The following NARS2 variants were observed in gnomAD, a reference collection of about 807,000 sequenced individuals.
The protein encoded by NARS2 is asparaginyl-tRNA synthetase 2, mitochondrial.
A neutral mutation model predicts 62.9 loss-of-function variants in NARS2; 60 were observed. The observed-to-expected ratio is 0.95, with a 90% CI of 0.77 to 1.18. The LOEUF (loss-of-function observed/expected upper bound fraction) is 1.18, where lower values mean the gene tolerates loss of function less well. NARS2 is among the 50% of genes most tolerant of loss of function. The pLI is 0.00. For missense variants in NARS2, 619 were observed against 576.4 expected (o/e 1.07, Z -0.76); for synonymous variants, 196 against 200.0 (o/e 0.98, Z 0.17).
chr11:78,561,446 G>A (rs1013794039), intron 4 of NARS2, among the ~76,000 whole-genome samples: 4 of 152,172 alleles, frequency 2.6e-5, no homozygotes, highest in Non-Finnish European at 5.9e-5. Flanking sequence ...ATGAAGGCCA[G>A]AAAAGAGGCC....
chr11:78,446,385 C>CTCTA (rs1157581924), intron 11 of NARS2, among the ~76,000 whole-genome samples: 7 of 152,192 alleles, frequency 4.6e-5, no homozygotes, highest in Admixed American at 1.3e-4. Flanking sequence ...TATGGCTGGG[C>CTCTA]TCTAATCAGG....
intron 6 of NARS2, among the ~76,000 whole-genome samples, chr11:78,528,360 A>AC (rs1565260486): frequency 2.6e-5 from 4 of 152,150 alleles, no homozygotes; most frequent in African/African-American, 9.7e-5. Flanking sequence ...GACTTTCCAG[A>AC]GGTCTGACAG....
intron 5 of NARS2, among the ~76,000 whole-genome samples, chr11:78,533,830 A>C (rs772616386): frequency 3.3e-5 from 5 of 152,222 alleles, no homozygotes; most frequent in Non-Finnish European, 7.3e-5. Context: ...TAACCCCTGG[A>C]AACCATGATC....
chr11:78,528,965 A>T, intron 5 of NARS2, 29 bp from the exon 6 acceptor site: 2 of 1,417,684 alleles, frequency 1.4e-6, no homozygotes, highest in Non-Finnish European at 2.0e-6. Context: ...AGCCACAAAA[A>T]ACTATTAAAT....
In NARS2 at chr11:78,570,673, G is replaced by A. The variant is rs140344211; in HGVS notation, c.251+662C>T. Among the ~76,000 whole-genome samples, 974 of 152,278 alleles carry A rather than the reference G, an allele frequency of 6.4e-3. 5 individuals are homozygous for A. Among genetic ancestry groups the A allele is most frequent in the African/African-American group, 0.022 (926 of 41,562 alleles). On this transcript the variant is annotated intron_variant, in intron 2 of 13. Transcript: ENST00000281038. ...TAGGACTACAGGCGTGAGCCACCAC[G>A]CCTGACCTAGTGTTAGTTTTAAAAC... is the stretch of plus-strand genomic sequence containing the variant.
At chr11:78,572,192 A>C (rs866227093) in intron 1 of NARS2, among the ~76,000 whole-genome samples, 2 of 152,292 alleles carry the variant, frequency 1.3e-5, no homozygotes, top group Middle Eastern at 6.8e-3. Flanking sequence ...AAAAAAACAA[A>C]AAAACACAAA....
At chr11:78,568,208 T>C (rs1856806028) in intron 3 of NARS2, among the ~76,000 whole-genome samples, 1 of 152,218 alleles carries the variant, frequency 6.6e-6, no homozygotes, top group Admixed American at 6.5e-5. Flanking sequence ...GAAATGTGGG[T>C]AATGCCACTG....
intron 6 of NARS2, among the ~76,000 whole-genome samples, chr11:78,524,510 T>A (rs1316481588): frequency 6.6e-6 from 1 of 152,150 alleles, no homozygotes; most frequent in Non-Finnish European, 1.5e-5. Flanking sequence ...TTCTTTCTTT[T>A]TAGGCTGAGC....
intron 6 of NARS2, among the ~76,000 whole-genome samples, chr11:78,498,667 C>G (rs1247761370): frequency 1.0e-5 from 1 of 97,556 alleles, no homozygotes; most frequent in African/African-American, 4.2e-5. Flanking sequence ...CTTCCCAATA[C>G]GCTCTTTTTT....
At chr11:78,445,386 C>T (rs1422001502) in intron 11 of NARS2, among the ~76,000 whole-genome samples, 1 of 152,102 alleles carries the variant, frequency 6.6e-6, no homozygotes, top group African/African-American at 2.4e-5. Context: ...TTTGGGAGGC[C>T]GAGGTGGGCG....
chr11:78,564,527 TCTTA>T (rs1232995493), intron 4 of NARS2, among the ~76,000 whole-genome samples: 1 of 152,164 alleles, frequency 6.6e-6, no homozygotes, highest in Non-Finnish European at 1.5e-5. Context: ...TTTTAGCTTG[TCTTA>T]CTTTTTAATT....
chr11:78,490,068 A>C (rs1482243943), intron 7 of NARS2, among the ~76,000 whole-genome samples: 1 of 152,182 alleles, frequency 6.6e-6, no homozygotes, highest in Non-Finnish European at 1.5e-5. Context: ...ATGAAACTTT[A>C]CATTCATATA....
intron 3 of NARS2, among the ~76,000 whole-genome samples, chr11:78,567,134 TCAA>T (rs1421591684): frequency 6.6e-6 from 1 of 152,148 alleles, no homozygotes; most frequent in African/African-American, 2.4e-5. Flanking sequence ...GATGAAGCCA[TCAA>T]CACCAACAGA....
At chr11:78,496,324 T>C (rs1860056559) in intron 6 of NARS2, among the ~76,000 whole-genome samples, 1 of 152,182 alleles carries the variant, frequency 6.6e-6, no homozygotes, top group Non-Finnish European at 1.5e-5. Context: ...GTTACCATTA[T>C]GGAATGATCA....
chr11:78,465,030 C>T (rs545798051), intron 11 of NARS2, among the ~76,000 whole-genome samples: 21 of 152,308 alleles, frequency 1.4e-4, no homozygotes, highest in African/African-American at 4.6e-4. Flanking sequence ...GGGCGGCGCT[C>T]GTCAGGGAGG....
chr11:78,487,349 C>A (rs1252769850), intron 7 of NARS2, among the ~76,000 whole-genome samples: 4 of 135,404 alleles, frequency 3.0e-5, no homozygotes, highest in Admixed American at 7.7e-5. Flanking sequence ...GAGTGAGGCT[C>A]TGTCTAAAAA....
At chr11:78,517,210 C>G (rs1035427508) in intron 6 of NARS2, among the ~76,000 whole-genome samples, 2 of 152,102 alleles carry the variant, frequency 1.3e-5, no homozygotes, top group East Asian at 3.8e-4. Flanking sequence ...GGGTATGGAA[C>G]AAGAATTTAG....
At chr11:78,562,270 A>G (rs572526765) in intron 4 of NARS2, among the ~76,000 whole-genome samples, 1 of 152,168 alleles carries the variant, frequency 6.6e-6, no homozygotes, top group South Asian at 2.1e-4. Flanking sequence ...CAAAAAATAC[A>G]TTAAAAAAAA....
At chr11:78,444,072 T>C in intron 11 of NARS2, 1 of 181,332 alleles carries the variant, frequency 5.5e-6, no homozygotes, top group Non-Finnish European at 1.2e-5. Context: ...GGATTTCCTT[T>C]CAAATTTTTT....
Sources: allele counts gnomAD v4.1 joint callset (sites outside exome capture counted in the v4.1 genomes callset), GRCh38; gene constraint gnomAD v4.1.1; transcripts MANE v1.5; gene names NCBI Gene and HGNC (gene_info 2026-07-23, HGNC 2026-07-21).